The following PLPPR5 variants were observed in gnomAD, a reference collection of about 807,000 sequenced individuals.
PLPPR5 encodes phospholipid phosphatase-related protein type 5.
PLPPR5 carries 16 observed loss-of-function variants against 33.9 expected under a neutral mutation model. The ratio of observed to expected loss-of-function variants is 0.47; its 90% CI spans 0.32 to 0.72. PLPPR5 has a LOEUF of 0.72. Ranked by LOEUF, PLPPR5 falls within the 30% of genes least tolerant of loss-of-function variation. The pLI is 0.03. For missense variants in PLPPR5, 301 were observed against 406.7 expected (o/e 0.74, Z 2.23); for synonymous variants, 163 against 150.3 (o/e 1.08, Z -0.62).
rs1420866669 is a variant in PLPPR5 at position 98,892,662 on chromosome 1, T to G, written c.*410A>C. On this transcript the variant is annotated 3_prime_UTR_variant, in exon 6 of 6. Coordinates refer to ENST00000263177, the MANE Select transcript of PLPPR5 (RefSeq NM_001037317.2). ...AAATTAAATATGGCATACTGCTGAA[T>G]AGATATATGAAGATTAAAAAAATAA... 1 of 161,516 alleles carries G rather than the reference T, an allele frequency of 6.2e-6. No individual in the cohort carries two copies. Among genetic ancestry groups the G allele is most frequent in the Non-Finnish European group, 1.3e-5 (1 of 74,468 alleles). The allele number at this position is 161,516 out of a possible 1,614,324, so 10.0% of individuals were successfully genotyped here. A position where few individuals can be genotyped will look rare whatever the true frequency, so the allele number is the denominator to read the frequency against.
chr1:98,894,786 A>G (rs539237031), intron 5 of PLPPR5, among the ~76,000 whole-genome samples: 1 of 152,194 alleles, frequency 6.6e-6, no homozygotes, highest in Non-Finnish European at 1.5e-5. Context: ...GAGGACAACC[A>G]CTAACCTGGA....
chr1:98,964,744 A>G (rs1651370046), intron 1 of PLPPR5, among the ~76,000 whole-genome samples: 1 of 152,184 alleles, frequency 6.6e-6, no homozygotes. Flanking sequence ...TCAATCTGAT[A>G]TAGAATGTGA....
At chr1:98,975,332 C>T (rs950663041) in intron 1 of PLPPR5, among the ~76,000 whole-genome samples, 2 of 152,064 alleles carry the variant, frequency 1.3e-5, no homozygotes, top group Admixed American at 1.3e-4. Context: ...TGTGGTAACA[C>T]TTGTAAATTG....
intron 3 of PLPPR5, among the ~76,000 whole-genome samples, chr1:98,927,202 C>G (rs769547230): frequency 6.6e-6 from 1 of 152,328 alleles, no homozygotes; most frequent in Non-Finnish European, 1.5e-5. Flanking sequence ...TCATCATAAG[C>G]ACCCATCTTT....
chr1:98,912,594 G>T (rs1031280482), intron 5 of PLPPR5, among the ~76,000 whole-genome samples: 2 of 152,106 alleles, frequency 1.3e-5, no homozygotes, highest in African/African-American at 2.4e-5. Context: ...TCTAAACTTG[G>T]TCTCATGGTT....
At chr1:98,909,906 A>G (rs112368540) in intron 5 of PLPPR5, among the ~76,000 whole-genome samples, 3,093 of 152,298 alleles carry the variant, frequency 0.02, 34 homozygotes, top group African/African-American at 0.027. Context: ...ACCAAATGTA[A>G]TGAATGTTCA....
rs1648290275 is a variant in PLPPR5 at position 98,891,921 on chromosome 1, T to C, written c.*1151A>G. The C allele has an allele frequency of 6.6e-6, 1 of 152,060 alleles. No individual in the cohort carries two copies. The highest frequency in any genetic ancestry group is 2.4e-5 in the African/African-American group (1 of 41,416). The allele number at this position is 152,060 out of a possible 1,614,324, so 9.4% of individuals were successfully genotyped here. A position where few individuals can be genotyped will look rare whatever the true frequency, so the allele number is the denominator to read the frequency against. ...GGGCCAGAAAACTTGAATTTAAGCT[T>C]CAACTATGTCTCTTACTAGTTTGTG... On this transcript the variant is annotated 3_prime_UTR_variant, in exon 6 of 6. Coordinates refer to ENST00000263177, the MANE Select transcript of PLPPR5 (RefSeq NM_001037317.2).
chr1:98,957,902 C>T (rs1651074528), intron 1 of PLPPR5, among the ~76,000 whole-genome samples: 1 of 152,130 alleles, frequency 6.6e-6, no homozygotes, highest in South Asian at 2.1e-4. Flanking sequence ...ATATTTGTAC[C>T]ATTGGTAGTG....
At chr1:98,897,671 G>T (rs1366158678) in intron 5 of PLPPR5, among the ~76,000 whole-genome samples, 1 of 152,130 alleles carries the variant, frequency 6.6e-6, no homozygotes, top group Non-Finnish European at 1.5e-5. Context: ...TGACTCTGTT[G>T]CTGCGGAAGC....
chr1:98,927,626 C>T (rs558586819), intron 3 of PLPPR5, among the ~76,000 whole-genome samples: 1 of 152,218 alleles, frequency 6.6e-6, no homozygotes, highest in Admixed American at 6.5e-5. Flanking sequence ...AGAAATTGTT[C>T]TCCCAGTTTC....
intron 5 of PLPPR5, among the ~76,000 whole-genome samples, chr1:98,903,296 T>A (rs977073756): frequency 6.6e-6 from 1 of 152,146 alleles, no homozygotes; most frequent in African/African-American, 2.4e-5. Context: ...TAAGATTGTT[T>A]TGACAAGGTC....
intron 3 of PLPPR5, among the ~76,000 whole-genome samples, chr1:98,941,965 C>T (rs1650383750): frequency 6.7e-6 from 1 of 148,846 alleles, no homozygotes; most frequent in Non-Finnish European, 1.5e-5. Flanking sequence ...TTGATAACTG[C>T]AATTACAGAT....
intron 5 of PLPPR5, among the ~76,000 whole-genome samples, chr1:98,903,398 T>G (rs1352772243): frequency 6.6e-6 from 1 of 152,100 alleles, no homozygotes; most frequent in Non-Finnish European, 1.5e-5. Flanking sequence ...ATTGCCAGAG[T>G]TACTCACGCA....
chr1:98,911,333 G>C (rs929572009), intron 5 of PLPPR5, among the ~76,000 whole-genome samples: 2 of 152,120 alleles, frequency 1.3e-5, no homozygotes, highest in Admixed American at 1.3e-4. Flanking sequence ...AGTGAAAACA[G>C]AGCACATAAA....
chr1:98,895,917 G>A (rs1648452405), intron 5 of PLPPR5, among the ~76,000 whole-genome samples: 1 of 151,982 alleles, frequency 6.6e-6, no homozygotes, highest in Admixed American at 6.6e-5. Flanking sequence ...GTACATGAAA[G>A]GAGTGTACAG....
intron 5 of PLPPR5, among the ~76,000 whole-genome samples, chr1:98,909,286 C>T (rs1354169994): frequency 4.3e-5 from 6 of 141,166 alleles, no homozygotes; most frequent in East Asian, 2.2e-4. Flanking sequence ...CTCCCTTCCC[C>T]GCCTCCCCTC....
intron 1 of PLPPR5, chr1:98,991,043 A>G (rs1255493077): frequency 6.6e-6 from 1 of 152,178 alleles, no homozygotes; most frequent in African/African-American, 2.4e-5. Context: ...GTAATTAACT[A>G]TAATGCACAA....
At chr1:98,999,308 T>C (rs1253371404) in intron 1 of PLPPR5, among the ~76,000 whole-genome samples, 1 of 152,218 alleles carries the variant, frequency 6.6e-6, no homozygotes, top group African/African-American at 2.4e-5. Flanking sequence ...TCAGTAATCC[T>C]GTGAGGCCAG....
rs1040991586 is a variant in PLPPR5, at chr1:98,892,134, T to C, written c.*938A>G. On this transcript the variant is annotated 3_prime_UTR_variant, in exon 6 of 6. Transcript: ENST00000263177. ...ACATTAACCATATTTCTAGCATTTA[T>C]ATAATTTAAATTATGTGTCAGGGTA... is the stretch of plus-strand genomic sequence containing the variant. 5 of 152,164 alleles carry C rather than the reference T, an allele frequency of 3.3e-5. No individual in the cohort carries two copies. Among genetic ancestry groups the C allele is most frequent in the Admixed American group, 1.3e-4 (2 of 15,254 alleles). 9.4% of individuals were successfully genotyped at this position (152,164 alleles called of 1,614,324 possible).
Sources: gnomAD v4.1 joint callset for allele counts (sites outside exome capture counted in the v4.1 genomes callset) on GRCh38, gnomAD v4.1.1 for gene constraint, MANE v1.5 for transcripts, NCBI Gene and HGNC (gene_info 2026-07-23, HGNC 2026-07-21) for gene names.